The following LRRFIP2 variants were observed in gnomAD, a reference collection of about 807,000 sequenced individuals.
The protein encoded by LRRFIP2 is leucine-rich repeat flightless-interacting protein 2.
In LRRFIP2, 109 loss-of-function variants were observed where a neutral mutation model predicts 125.9. That is an observed-to-expected ratio of 0.87 (90% CI 0.74 to 1.01). LRRFIP2 has a LOEUF of 1.01. Among genes scored for constraint, LRRFIP2 ranks in the 50% least tolerant of loss-of-function variants. The pLI is 0.00. For missense variants in LRRFIP2, 850 were observed against 862.3 expected (o/e 0.99, Z 0.18); for synonymous variants, 291 against 293.1 (o/e 0.99, Z 0.07).
intron 1 of LRRFIP2, among the ~76,000 whole-genome samples, chr3:37,156,261 CTTGAGCCCAGGAGT>C: frequency 6.6e-6 from 1 of 152,092 alleles, no homozygotes; most frequent in South Asian, 2.1e-4. Context: ...AGGCAAGTTG[CTTGAGCCCAGGAGT>C]TTGAGACCAG....
chr3:37,107,061 C>T (rs1319159675), intron 13 of LRRFIP2, among the ~76,000 whole-genome samples: 8 of 151,970 alleles, frequency 5.3e-5, no homozygotes, highest in Non-Finnish European at 8.8e-5. Flanking sequence ...TGTGCCACCA[C>T]GCCAGGCTAA....
At chr3:37,109,403 A>G (rs2094467247) in intron 11 of LRRFIP2, 124 bp downstream of exon 11, 2 of 982,824 alleles carry the variant, frequency 2.0e-6, no homozygotes, top group South Asian at 2.7e-5. Context: ...CACATTCTGC[A>G]GTATACATGA....
chr3:37,055,194 T>G (rs992929456), intron 25 of LRRFIP2, 29 bp from the exon 26 acceptor site: 2 of 1,385,678 alleles, frequency 1.4e-6, no homozygotes, highest in African/African-American at 2.9e-5. Flanking sequence ...ATGAATTATC[T>G]TCACCTGTCA....
rs2085997071 is a variant in LRRFIP2 at position 37,053,558 on chromosome 3, A to G, written c.*293T>C. Reference sequence around the variant, plus strand: ...TGCCAAGGCCTCCGAGTGCCCAGTTACTGAGGCAGCTGGGGAAAAACGTTG... The same window carrying G: ...TGCCAAGGCCTCCGAGTGCCCAGTTGCTGAGGCAGCTGGGGAAAAACGTTG... On this transcript the variant is annotated 3_prime_UTR_variant, in exon 28 of 28. Transcript: ENST00000336686. 6.1e-6 allele frequency: 2 copies of G among 330,520 alleles called. No individual in the cohort carries two copies. Among genetic ancestry groups the G allele is most frequent in the South Asian group, 6.5e-5 (2 of 30,858 alleles). 20.5% of individuals were successfully genotyped at this position (330,520 alleles called of 1,614,324 possible). A position where few individuals can be genotyped will look rare whatever the true frequency, so the allele number is the denominator to read the frequency against.
intron 1 of LRRFIP2, among the ~76,000 whole-genome samples, chr3:37,173,844 CAG>C (rs2096619529): frequency 6.6e-6 from 1 of 152,218 alleles, no homozygotes; most frequent in South Asian, 2.1e-4. Context: ...TTTTGAGAGA[CAG>C]AGATACTTTG....
chr3:37,110,740 T>C (rs1202418218), intron 9 of LRRFIP2, among the ~76,000 whole-genome samples: 1 of 152,102 alleles, frequency 6.6e-6, no homozygotes, highest in Non-Finnish European at 1.5e-5. Flanking sequence ...TATTATTCCT[T>C]GAACTTTTTT....
chr3:37,076,731 TG>T (rs1247626615), intron 19 of LRRFIP2, among the ~76,000 whole-genome samples: 2 of 151,956 alleles, frequency 1.3e-5, no homozygotes, highest in Non-Finnish European at 2.9e-5. Flanking sequence ...TCAGGCGTGG[TG>T]GTGCATGCCT....
chr3:37,083,629 G>T lies in LRRFIP2; in HGVS notation c.1278+7C>A. 1 of 1,553,172 alleles carries T rather than the reference G, an allele frequency of 6.4e-7. No individual in the cohort carries two copies. Among genetic ancestry groups the T allele is most frequent in the Non-Finnish European group, 8.6e-7 (1 of 1,157,134 alleles). ...TGCCCCAAGAGAAAATACAAGATAAGCATTACCTTTGATTTTTCTTCATTT... is the reference window on the plus strand; with the variant it reads ...TGCCCCAAGAGAAAATACAAGATAATCATTACCTTTGATTTTTCTTCATTT... On this transcript the variant is annotated splice_region_variant and intron_variant, in intron 19 of 27. Coordinates refer to ENST00000336686, the MANE Select transcript of LRRFIP2 (RefSeq NM_006309.4).
upstream of LRRFIP2, chr3:37,176,265 C>T (rs2096661211): frequency 6.6e-6 from 1 of 152,264 alleles, no homozygotes; most frequent in African/African-American, 2.4e-5. Flanking sequence ...CCCTCTGCGC[C>T]GCGGCTGAGA....
chr3:37,132,056 G>C (rs558110541), intron 2 of LRRFIP2, among the ~76,000 whole-genome samples: 3 of 151,826 alleles, frequency 2.0e-5, no homozygotes, highest in Non-Finnish European at 4.4e-5. Context: ...ACTGGCCTCC[G>C]TCTTTTCAAA....
At chr3:37,127,949 T>C (rs565186610) in intron 3 of LRRFIP2, among the ~76,000 whole-genome samples, 152 of 152,328 alleles carry the variant, frequency 1.0e-3, no homozygotes, top group African/African-American at 3.6e-3. Context: ...TGAGACAGGA[T>C]CTCACTTAGT....
At position 37,096,625 on chromosome 3, in the gene LRRFIP2, A is replaced by T; in HGVS notation, c.909T>A (p.Asn303Lys). The T allele has an allele frequency of 6.4e-7, 1 of 1,565,062 alleles. No homozygotes were observed. The highest frequency in any genetic ancestry group is 1.1e-5 in the South Asian group (1 of 87,626). ...DEKSDKQYAE[N>K]YTRPSSRNSA... is the part of the protein sequence containing the mutation. The stretch of plus-strand genomic sequence containing the variant: ...GAATTTACATACTCACTCTTGTATA[A>T]TTTTCAGCATACTGTTTGTCAGATT... The change falls in exon 16 of 28, where the codon AAT becomes AAA. Residue 303 changes from asparagine to lysine, a missense_variant. By Grantham distance (94) the Asn-to-Lys change is moderately conservative. Coordinates refer to ENST00000336686, the MANE Select transcript of LRRFIP2 (RefSeq NM_006309.4).
rs2093732722 is a variant in LRRFIP2 at position 37,096,628 on chromosome 3, T to C, written c.906A>G (p.Glu302=). ...TTTACATACTCACTCTTGTATAATT[T>C]TCAGCATACTGTTTGTCAGATTTTT... ...LDEKSDKQYA[E]NYTRPSSRNS... is the part of the protein sequence containing the mutation. Residue 302 remains glutamate (E), a synonymous_variant, in exon 16 of 28, where the codon GAA becomes GAG. Coordinates refer to ENST00000336686, the MANE Select transcript of LRRFIP2 (RefSeq NM_006309.4). The C allele has an allele frequency of 3.2e-6, 5 of 1,566,710 alleles. No individual in the cohort carries two copies. Among genetic ancestry groups the C allele is most frequent in the Non-Finnish European group, 4.4e-6 (5 of 1,144,242 alleles).
Position 37,129,059 on chromosome 3 carries a change from T to G in LRRFIP2, c.177+4A>C. ...ATGAAATTAGGGTTATTCCCTCAAA[T>G]TACCTCTTTTTGTTGTCGTTCCAGT... On this transcript the variant is annotated splice_donor_region_variant and intron_variant, in intron 3 of 27. Transcript: ENST00000336686. The G allele has an allele frequency of 6.2e-7, 1 of 1,613,786 alleles. No homozygotes were observed. Among genetic ancestry groups the G allele is most frequent in the Non-Finnish European group, 8.5e-7 (1 of 1,179,686 alleles).
chr3:37,140,356 A>T (rs754262206), intron 2 of LRRFIP2: 1 of 152,218 alleles, frequency 6.6e-6, no homozygotes, highest in South Asian at 2.1e-4. Flanking sequence ...ATATACTAAA[A>T]TTGGAAAGAT....
intron 1 of LRRFIP2, among the ~76,000 whole-genome samples, chr3:37,157,551 G>A (rs936566676): frequency 3.3e-5 from 5 of 151,970 alleles, no homozygotes. Context: ...AGGAGAGGGA[G>A]GAGAGAGAGG....
rs571611974 is a variant in LRRFIP2, at chr3:37,056,240, T to C, written c.1871-1075A>G. 3.3e-5 allele frequency among the ~76,000 whole-genome samples: 5 copies of C among 152,242 alleles called. No homozygotes were observed. The South Asian group carries it at 1.0e-3, about 32-fold the overall frequency. On this transcript the variant is annotated intron_variant, in intron 25 of 27. Coordinates refer to ENST00000336686, the MANE Select transcript of LRRFIP2 (RefSeq NM_006309.4). ...GAAGTAAATCACTTAAAATGAAAAG[T>C]TTAGAAATGATGGCAGGGGACTTTT...
intron 1 of LRRFIP2, among the ~76,000 whole-genome samples, chr3:37,153,725 G>A (rs1198273795): frequency 6.6e-6 from 1 of 152,186 alleles, no homozygotes; most frequent in African/African-American, 2.4e-5. Flanking sequence ...CTGAGAAAGA[G>A]ATGACAGGAA....
chr3:37,111,655 T>C (rs1409109069), intron 8 of LRRFIP2, among the ~76,000 whole-genome samples: 1 of 152,184 alleles, frequency 6.6e-6, no homozygotes, highest in Admixed American at 6.5e-5. Flanking sequence ...CCAACTTTTT[T>C]ACTCAAGGTT....
Sources: allele counts gnomAD v4.1 joint callset (sites outside exome capture counted in the v4.1 genomes callset), GRCh38; gene constraint gnomAD v4.1.1; transcripts MANE v1.5; gene names NCBI Gene and HGNC (gene_info 2026-07-23, HGNC 2026-07-21).